The following VAV2 variants were observed in gnomAD, a reference collection of about 807,000 sequenced individuals.
VAV2 encodes the protein guanine nucleotide exchange factor VAV2.
Under a neutral mutation model 132.5 loss-of-function variants are expected in VAV2, and 67 were observed. The observed-to-expected ratio is 0.51, with a 90% CI of 0.42 to 0.62. The LOEUF (loss-of-function observed/expected upper bound fraction) is 0.62. VAV2 is among the 20% of genes least tolerant of loss of function. VAV2 has a pLI of 0.00. For synonymous variants in VAV2, 492 were observed against 443.5 expected (o/e 1.11, Z -1.37); for missense variants, 938 against 1,153.6 (o/e 0.81, Z 2.71).
intron 4 of VAV2, among the ~76,000 whole-genome samples, chr9:133,818,469 T>A (rs1257923691): frequency 6.6e-6 from 1 of 151,934 alleles, no homozygotes; most frequent in African/African-American, 2.4e-5. Flanking sequence ...TGTCAGATCT[T>A]CAGACTCCAG....
intron 1 of VAV2, among the ~76,000 whole-genome samples, chr9:133,984,133 A>C (rs1006785800): frequency 8.9e-4 from 136 of 152,176 alleles, no homozygotes; most frequent in African/African-American, 3.2e-3. Context: ...CACCACACCC[A>C]GCTAATTTTT....
intron 1 of VAV2, among the ~76,000 whole-genome samples, chr9:133,974,987 C>G (rs1335569504): frequency 6.6e-6 from 1 of 152,232 alleles, no homozygotes; most frequent in African/African-American, 2.4e-5. Flanking sequence ...GTGATTCATG[C>G]CCCTGGCAGA....
At chr9:133,816,924 A>G (rs1239651363) in intron 4 of VAV2, among the ~76,000 whole-genome samples, 1 of 152,240 alleles carries the variant, frequency 6.6e-6, no homozygotes, top group Non-Finnish European at 1.5e-5. Context: ...CACGTAATGT[A>G]AATCTAGCTT....
chr9:133,780,759 G>T, intron 19 of VAV2, 49 bp from the exon 20 acceptor site: 1 of 1,260,916 alleles, frequency 7.9e-7, no homozygotes. Flanking sequence ...CCGACGCCAA[G>T]GCCCCGTGCA....
Position 133,912,233 on chromosome 9 carries a change from T to C in VAV2, c.321+26870A>G, listed in dbSNP as rs1415274123. Among the ~76,000 whole-genome samples the C allele has an allele frequency of 6.6e-6, 1 of 152,132 alleles. No homozygotes were observed. Among genetic ancestry groups the C allele is most frequent in the African/African-American group, 2.4e-5 (1 of 41,430 alleles). ...GAAGGGCTGACAACCAGGAGTGTTTTAGTACAAAACAGACAAACCAGAAAC... is the reference window on the plus strand; with the variant it reads ...GAAGGGCTGACAACCAGGAGTGTTTCAGTACAAAACAGACAAACCAGAAAC... On this transcript the variant is annotated intron_variant, in intron 2 of 29. Transcript: ENST00000371850. This position sits in a 1 kb window ranked among gnomAD's most constrained non-coding sequence, Gnocchi z 4.3.
intron 1 of VAV2, among the ~76,000 whole-genome samples, chr9:133,980,589 C>T (rs1017252144): frequency 6.6e-6 from 1 of 152,322 alleles, no homozygotes; most frequent in African/African-American, 2.4e-5. Flanking sequence ...AACCTTCTAT[C>T]ACGCATCTCC....
Position 133,884,189 on chromosome 9 carries a change from G to A in VAV2, c.322-22757C>T, listed in dbSNP as rs1396189533. Among the ~76,000 whole-genome samples, 1 of 151,968 alleles carries A rather than the reference G, an allele frequency of 6.6e-6. No individual in the cohort carries two copies. The highest frequency in any genetic ancestry group is 1.5e-5 in the Non-Finnish European group (1 of 67,990). On this transcript the variant is annotated intron_variant, in intron 2 of 29. Transcript: ENST00000371850. This position sits in a 1 kb window ranked among gnomAD's most constrained non-coding sequence, Gnocchi z 5.3. ...ATGATTCTAGCAACTCATGAGCAAA[G>A]AGAGGGAATCCAAAATAAATGGTAA...
intron 1 of VAV2, among the ~76,000 whole-genome samples, chr9:133,945,667 TCCTGCAGGGAAAGC>T (rs1841333516): frequency 6.6e-6 from 1 of 151,912 alleles, no homozygotes; most frequent in Admixed American, 6.5e-5. Context: ...GGGGGTGGGG[TCCTGCAGGGAAAGC>T]CCCAAGCTGG....
At chr9:133,772,353 C>T (rs1413191268) in intron 25 of VAV2, among the ~76,000 whole-genome samples, 1 of 152,174 alleles carries the variant, frequency 6.6e-6, no homozygotes, top group African/African-American at 2.4e-5. Flanking sequence ...ATTTGCTTTT[C>T]AGTACCAGGA....
intron 13 of VAV2, 149 bp from the exon 14 acceptor site, chr9:133,789,492 C>A: frequency 1.4e-6 from 1 of 716,870 alleles, no homozygotes; most frequent in Admixed American, 2.3e-5. Context: ...TGGCTCCCAG[C>A]TGGTGCTCAG....
Position 133,863,324 on chromosome 9 carries a change from C to A in VAV2, c.322-1892G>T, listed in dbSNP as rs1043707765. Among the ~76,000 whole-genome samples the A allele has an allele frequency of 1.3e-5, 2 of 152,192 alleles. No homozygotes were observed. Among genetic ancestry groups the A allele is most frequent in the African/African-American group, 4.8e-5 (2 of 41,450 alleles). On this transcript the variant is annotated intron_variant, in intron 2 of 29. Coordinates refer to ENST00000371850, the MANE Select transcript of VAV2 (RefSeq NM_001134398.2). This position sits in a 1 kb window ranked among gnomAD's most constrained non-coding sequence, Gnocchi z 5.0. ...CGGGCGCAGGCCCAGAGCCCTCCTC[C>A]GTGGAGTCTAAGGAGGCACCAGCAT... is the stretch of plus-strand genomic sequence containing the variant.
At chr9:133,901,265 A>T (rs1208450722) in intron 2 of VAV2, among the ~76,000 whole-genome samples, 1 of 152,174 alleles carries the variant, frequency 6.6e-6, no homozygotes. Flanking sequence ...GGCGCTTGCC[A>T]TTCAACAGGC....
At chr9:133,875,570 C>T (rs1309939670) in intron 2 of VAV2, among the ~76,000 whole-genome samples, 2 of 152,238 alleles carry the variant, frequency 1.3e-5, no homozygotes, top group Non-Finnish European at 2.9e-5. Context: ...AGGCGATCCC[C>T]TTGGAGGCAC....
chr9:133,834,362 G>C lies in VAV2; in HGVS notation c.381-22C>G. 1 of 1,608,716 alleles carries C rather than the reference G, an allele frequency of 6.2e-7. No individual in the cohort carries two copies. Among genetic ancestry groups the C allele is most frequent in the Middle Eastern group, 1.7e-4 (1 of 6,054 alleles). On this transcript the variant is annotated intron_variant, in intron 3 of 29. Coordinates refer to ENST00000371850, the MANE Select transcript of VAV2 (RefSeq NM_001134398.2). This position sits in a 1 kb window ranked among gnomAD's most constrained non-coding sequence, Gnocchi z 5.9. Reference sequence around the variant, plus strand: ...AGGCCTGCGGAAGAGAAGGCGAGAGGGAGGTGAGCAGGTCCCGGCACTGCC... The same window carrying C: ...AGGCCTGCGGAAGAGAAGGCGAGAGCGAGGTGAGCAGGTCCCGGCACTGCC...
chr9:133,810,161 G>A lies in VAV2; in HGVS notation c.567+30C>T, dbSNP rs373471222. Reference sequence around the variant, plus strand: ...GTCAAGAAGACGGCGCAGGCAGGACGTCCCCAGCCTCCCCTTCCGGGCCAC... The same window carrying A: ...GTCAAGAAGACGGCGCAGGCAGGACATCCCCAGCCTCCCCTTCCGGGCCAC... On this transcript the variant is annotated intron_variant, in intron 6 of 29. Transcript: ENST00000371850. 3.3e-5 allele frequency: 53 copies of A among 1,612,754 alleles called. No homozygotes were observed. In the East Asian group the frequency reaches 3.8e-4, roughly 12 times the overall value.
intron 1 of VAV2, among the ~76,000 whole-genome samples, chr9:133,946,883 G>C (rs768984236): frequency 2.6e-5 from 4 of 152,238 alleles, no homozygotes; most frequent in African/African-American, 9.6e-5. Context: ...AGGCTGGCCA[G>C]GTGCTCACGG....
chr9:133,878,682 G>A (rs1203204846), intron 2 of VAV2, among the ~76,000 whole-genome samples: 4 of 152,214 alleles, frequency 2.6e-5, no homozygotes, highest in Admixed American at 6.5e-5. Flanking sequence ...CCCGTCTCAG[G>A]AGGAGGATTC....
Position 133,928,227 on chromosome 9 carries a change from G to C in VAV2, c.321+10876C>G, listed in dbSNP as rs959776574. Among the ~76,000 whole-genome samples the C allele has an allele frequency of 3.3e-5, 5 of 152,162 alleles. No individual in the cohort carries two copies. Among genetic ancestry groups the C allele is most frequent in the Non-Finnish European group, 7.3e-5 (5 of 68,028 alleles). On this transcript the variant is annotated intron_variant, in intron 2 of 29. Coordinates refer to ENST00000371850, the MANE Select transcript of VAV2 (RefSeq NM_001134398.2). This position sits in a 1 kb window ranked among gnomAD's most constrained non-coding sequence, Gnocchi z 5.4. ...TATGTCTGTGTGTGTGCGTGCATGTGTGTGTCTGTGCCCATGTGCAGCATA... is the reference window on the plus strand; with the variant it reads ...TATGTCTGTGTGTGTGCGTGCATGTCTGTGTCTGTGCCCATGTGCAGCATA...
intron 2 of VAV2, among the ~76,000 whole-genome samples, chr9:133,905,489 G>A (rs549583949): frequency 6.6e-6 from 1 of 151,574 alleles, no homozygotes; most frequent in Admixed American, 6.6e-5. Context: ...GGGTCAGGGA[G>A]GGGCCTACCA....
Sources: allele counts gnomAD v4.1 joint callset (sites outside exome capture counted in the v4.1 genomes callset), GRCh38; gene constraint gnomAD v4.1.1; non-coding constraint Gnocchi (gnomAD v3.1); transcripts MANE v1.5; gene names NCBI Gene and HGNC (gene_info 2026-07-23, HGNC 2026-07-21).